Variants in CDC42EP1 observed in about 807,000 individuals in gnomAD.
CDC42EP1 encodes CDC42 effector protein 1, also known as 55 kDa bone marrow stromal/endothelial cell protein.
Under a neutral mutation model 7.4 loss-of-function variants are expected in CDC42EP1, and 6 were observed. That is an observed-to-expected ratio of 0.81 (90% confidence interval 0.44 to 1.60). The LOEUF is 1.60. Ranked by LOEUF, CDC42EP1 falls within the 40% of genes most tolerant of loss-of-function variation. The pLI, the probability that CDC42EP1 is intolerant of heterozygous loss-of-function variation, is 0.01. For synonymous variants in CDC42EP1, 238 were observed against 227.1 expected, an observed-to-expected ratio of 1.05 and a Z score of -0.43; for missense variants, 567 against 539.0, an observed-to-expected ratio of 1.05 and a Z score of -0.51.
intron 1 of CDC42EP1, among the ~76,000 whole-genome samples, chr22:37,564,946 T>C (rs969224709): frequency 2.0e-5 from 3 of 152,134 alleles, no homozygotes; most frequent in Non-Finnish European, 4.4e-5. Context: ...GCCCAGCTAA[T>C]TTTTTGTATT....
chr22:37,563,842 C>T (rs565728597), intron 1 of CDC42EP1: 2 of 152,396 alleles, frequency 1.3e-5, no homozygotes, highest in African/African-American at 4.8e-5. Context: ...CCCTCCCACT[C>T]TCAGAAGGGG....
chr22:37,565,335 A>G (rs1430170754), intron 1 of CDC42EP1, among the ~76,000 whole-genome samples: 3 of 151,564 alleles, frequency 2.0e-5, no homozygotes, highest in Non-Finnish European at 4.4e-5. Flanking sequence ...CCACAGGCAT[A>G]CACCACCACA....
intron 2 of CDC42EP1, 64 bp from the exon 3 acceptor site, chr22:37,568,044 T>G: frequency 7.1e-7 from 1 of 1,414,342 alleles, no homozygotes; most frequent in East Asian, 2.3e-5. Flanking sequence ...ACTGGTCCTG[T>G]CTCCCCTCCT....
chr22:37,566,353 C>T lies in CDC42EP1; in HGVS notation c.4C>T (p.Pro2Ser), dbSNP rs771513416. Residue 2 changes from proline to serine, a missense_variant, in exon 2 of 3, where the codon CCC becomes TCC. Coordinates refer to ENST00000249014, the MANE Select transcript of CDC42EP1 (RefSeq NM_152243.3). This position sits in a 1 kb window ranked among gnomAD's most constrained non-coding sequence, Gnocchi z 6.4. M[P>S]GPQGGRGAAT... ...CAGCTGTGAGCAGCCAGAGCTGATG[C>T]CCGGCCCCCAGGGGGGCAGAGGCGC... The T allele has an allele frequency of 3.3e-6, 5 of 1,493,564 alleles. No homozygotes were observed. The highest frequency in any genetic ancestry group is 2.3e-5 in the Admixed American group (1 of 44,348). The allele number at this position is 1,493,564 out of a possible 1,614,324, so 92.5% of individuals were successfully genotyped here.
intron 1 of CDC42EP1, chr22:37,565,730 C>G (rs1174357137): frequency 6.6e-6 from 1 of 151,842 alleles, no homozygotes. Flanking sequence ...CAGGTGCGCA[C>G]CACCACGTCC....
At chr22:37,567,856 C>G (rs1170162285) in intron 2 of CDC42EP1, among the ~76,000 whole-genome samples, 1 of 152,236 alleles carries the variant, frequency 6.6e-6, no homozygotes. Flanking sequence ...CGCCCCATCC[C>G]AAACTGAGCC....
In CDC42EP1 at chr22:37,566,912, C is replaced by A; in HGVS notation, c.463+100C>A. 1 of 877,506 alleles carries A rather than the reference C, an allele frequency of 1.1e-6. No homozygotes were observed. The highest frequency in any genetic ancestry group is 1.7e-6 in the Non-Finnish European group (1 of 583,132). The allele number at this position is 877,506 out of a possible 1,614,324, so 54.4% of individuals were successfully genotyped here. On this transcript the variant is annotated intron_variant, in intron 2 of 2. Coordinates refer to ENST00000249014, the MANE Select transcript of CDC42EP1 (RefSeq NM_152243.3). The surrounding 1 kb of genome is among the most constrained non-coding windows in gnomAD (Gnocchi z 6.4). ...AAGCTCCAAGTGAGCTCCAAGTGAC[C>A]ACAGAGGTCAGGCCCAGACCCCACA...
Position 37,566,059 on chromosome 22 carries a change from G to A in CDC42EP1, c.-278-13G>A, listed in dbSNP as rs1207162248. ...CGGGCCTGCCGTCACCGCCCATTCT[G>A]TCTTCCTTCCAGGTCTCCACCTCTG... On this transcript the variant is annotated splice_polypyrimidine_tract_variant and intron_variant, in intron 1 of 2. Coordinates refer to ENST00000249014, the MANE Select transcript of CDC42EP1 (RefSeq NM_152243.3). This position sits in a 1 kb window ranked among gnomAD's most constrained non-coding sequence, Gnocchi z 6.4. 3.0e-6 allele frequency: 1 copy of A among 333,314 alleles called. No individual in the cohort carries two copies. The highest frequency in any genetic ancestry group is 4.7e-5 in the East Asian group (1 of 21,438). The allele number at this position is 333,314 out of a possible 1,614,324, so 20.6% of individuals were successfully genotyped here.
Position 37,566,850 on chromosome 22 carries a change from C to A in CDC42EP1, c.463+38C>A. The A allele has an allele frequency of 6.9e-7, 1 of 1,456,152 alleles. No homozygotes were observed. The highest frequency in any genetic ancestry group is 9.3e-7 in the Non-Finnish European group (1 of 1,078,730). The allele number at this position is 1,456,152 out of a possible 1,614,324, so 90.2% of individuals were successfully genotyped here. On this transcript the variant is annotated intron_variant, in intron 2 of 2. Coordinates refer to ENST00000249014, the MANE Select transcript of CDC42EP1 (RefSeq NM_152243.3). The surrounding 1 kb of genome is among the most constrained non-coding windows in gnomAD (Gnocchi z 6.4). ...GCCATCTTGGCCCACTTTTCAGAGG[C>A]TGAGGCTGAGGCCCAGAGGGGTTCA...
At position 37,568,180 on chromosome 22, in the gene CDC42EP1, G is replaced by A. The variant is rs758382006; in HGVS notation, c.536G>A (p.Gly179Asp). ...AAGCCGCATGACCGAGACCGGGATGGTTCCTTCCCCTCTGAGCCCGGGCTT... is the reference window on the plus strand; with the variant it reads ...AAGCCGCATGACCGAGACCGGGATGATTCCTTCCCCTCTGAGCCCGGGCTT... ...SEKPHDRDRD[G>D]SFPSEPGLRR... Residue 179 changes from glycine to aspartate, a missense_variant, in exon 3 of 3, where the codon GGT (glycine) becomes GAT (aspartate). Physicochemically the swap from Gly to Asp is moderately conservative, Grantham distance 94 (BLOSUM62 -1). Transcript: ENST00000249014. 38 of 1,613,914 alleles carry A rather than the reference G, an allele frequency of 2.4e-5. No individual in the cohort carries two copies. In the East Asian group the frequency reaches 3.3e-4, roughly 14 times the overall value.
intron 2 of CDC42EP1, among the ~76,000 whole-genome samples, chr22:37,567,513 G>A (rs1043666695): frequency 6.6e-6 from 1 of 152,102 alleles, no homozygotes; most frequent in African/African-American, 2.4e-5. Context: ...CCTGCCTTGC[G>A]GGAGTGGCTC....
chr22:37,568,399 CCCCAGCG>C lies in CDC42EP1; in HGVS notation c.758_764del (p.Pro253LeufsTer36). 6.6e-7 allele frequency: 1 copy of C among 1,513,688 alleles called. No individual in the cohort carries two copies. The highest frequency in any genetic ancestry group is 9.0e-7 in the Non-Finnish European group (1 of 1,106,138). The allele number at this position is 1,513,688 out of a possible 1,614,324, so 93.8% of individuals were successfully genotyped here. ...AACCCCCCAGCCACTACTGCAAACC[CCCCAGCG>C]CCTGCTGCAAACCCCTCAGCACCTG... On this transcript the variant is annotated frameshift_variant, in exon 3 of 3. Coordinates refer to ENST00000249014, the MANE Select transcript of CDC42EP1 (RefSeq NM_152243.3). LOFTEE classifies it low-confidence loss of function (END_TRUNC).
chr22:37,560,999 G>C (rs544101603), intron 1 of CDC42EP1, among the ~76,000 whole-genome samples: 3 of 152,010 alleles, frequency 2.0e-5, no homozygotes, highest in Non-Finnish European at 4.4e-5. Context: ...GGAAGTGGGG[G>C]GTGGGGGGCC....
Position 37,566,528 on chromosome 22 carries a change from A to G in CDC42EP1, c.179A>G (p.Asp60Gly). 6.2e-7 allele frequency: 1 copy of G among 1,611,248 alleles called. No homozygotes were observed. The highest frequency in any genetic ancestry group is 8.5e-7 in the Non-Finnish European group (1 of 1,178,214). The change falls in exon 2 of 3, where the codon GAC (aspartate) becomes GGC (glycine). Residue 60 changes from aspartate (D) to glycine (G), a missense_variant. Transcript: ENST00000249014. This position sits in a 1 kb window ranked among gnomAD's most constrained non-coding sequence, Gnocchi z 6.4. ...HVGRGGDVFG[D>G]TSFLSNHGGS... ...GGCCGTGGCGGGGATGTCTTCGGGG[A>G]CACGTCCTTCCTCAGCAACCACGGT...
chr22:37,563,415 G>A (rs147339257), intron 1 of CDC42EP1, among the ~76,000 whole-genome samples: 48 of 152,136 alleles, frequency 3.2e-4, no homozygotes, highest in East Asian at 1.7e-3. Flanking sequence ...ACTGTGGATC[G>A]CTTCAGAACT....
chr22:37,562,966 G>A (rs1399786306), intron 1 of CDC42EP1, among the ~76,000 whole-genome samples: 3 of 152,102 alleles, frequency 2.0e-5, no homozygotes, highest in Admixed American at 2.0e-4. Flanking sequence ...AAACTTAGCT[G>A]AGCATGGTGG....
At chr22:37,561,379 G>T (rs751959589) in intron 1 of CDC42EP1, among the ~76,000 whole-genome samples, 1 of 152,258 alleles carries the variant, frequency 6.6e-6, no homozygotes, top group Non-Finnish European at 1.5e-5. Flanking sequence ...GCCCGCAGCC[G>T]CTCCGTCTCG....
intron 2 of CDC42EP1, among the ~76,000 whole-genome samples, chr22:37,567,156 G>T (rs1925276638): frequency 6.6e-6 from 1 of 152,134 alleles, no homozygotes; most frequent in Non-Finnish European, 1.5e-5. Context: ...TGATATCATG[G>T]AGAGGTGAAG....
intron 1 of CDC42EP1, among the ~76,000 whole-genome samples, chr22:37,561,801 C>A (rs577094204): frequency 6.6e-6 from 1 of 152,218 alleles, no homozygotes. Context: ...GCACTGCGGC[C>A]TGCGGGTGAC....
Sources: gnomAD v4.1 joint callset for allele counts (sites outside exome capture counted in the v4.1 genomes callset) on GRCh38, gnomAD v4.1.1 for gene constraint, Gnocchi (gnomAD v3.1) non-coding constraint, MANE v1.5 for transcripts, NCBI Gene and HGNC (gene_info 2026-07-23, HGNC 2026-07-21) for gene names.